C10orf90: variants seen among roughly 807,000 people sequenced by gnomAD.
The protein encoded by C10orf90 is (E2-independent) E3 ubiquitin-conjugating enzyme FATS.
C10orf90 carries 56 observed loss-of-function variants against 62.5 expected under a neutral mutation model. The ratio of observed to expected loss-of-function variants is 0.90; its 90% confidence interval spans 0.72 to 1.12. The LOEUF is 1.12. Among genes scored for constraint, C10orf90 ranks in the 50% most tolerant of loss-of-function variants. The pLI is 0.00. For missense variants in C10orf90, 970 were observed against 880.4 expected, an observed-to-expected ratio of 1.10 and a Z score of -1.29; for synonymous variants, 386 against 340.4, an observed-to-expected ratio of 1.13 and a Z score of -1.47.
At chr10:126,658,872 C>A (rs1221713141) in intron 1 of C10orf90, among the ~76,000 whole-genome samples, 5 of 152,144 alleles carry the variant, frequency 3.3e-5, no homozygotes, top group Non-Finnish European at 7.4e-5. Flanking sequence ...AGATTACAAG[C>A]GTGAGCCATT....
chr10:126,467,458 C>G (rs1860357036), intron 4 of C10orf90, among the ~76,000 whole-genome samples: 1 of 152,194 alleles, frequency 6.6e-6, no homozygotes, highest in Admixed American at 6.5e-5. Context: ...GCTGAGAGTT[C>G]TCAGTTCATG....
intron 1 of C10orf90, among the ~76,000 whole-genome samples, chr10:126,668,251 T>C (rs1179886242): frequency 1.3e-5 from 2 of 152,254 alleles, no homozygotes; most frequent in Non-Finnish European, 2.9e-5. Context: ...CCAGTTTCTT[T>C]AATCTAGCAC....
intron 2 of C10orf90, among the ~76,000 whole-genome samples, chr10:126,624,504 G>A (rs569030562): frequency 6.6e-5 from 10 of 152,306 alleles, no homozygotes; most frequent in African/African-American, 2.4e-4. Context: ...GGGATTTGGG[G>A]AGCTCACAAA....
chr10:126,517,586 G>A (rs537423173), intron 2 of C10orf90, among the ~76,000 whole-genome samples: 38 of 152,224 alleles, frequency 2.5e-4, no homozygotes, highest in African/African-American at 8.2e-4. Context: ...GACCCTCCAC[G>A]TTGAAGCATG....
At chr10:126,593,562 G>C (rs982528764) in intron 2 of C10orf90, among the ~76,000 whole-genome samples, 14 of 152,110 alleles carry the variant, frequency 9.2e-5, no homozygotes, top group Non-Finnish European at 1.9e-4. Context: ...GCATGGGGGA[G>C]GGAGAACATC....
At chr10:126,520,742 G>C (rs1383553644) in intron 2 of C10orf90, 1 of 152,590 alleles carries the variant, frequency 6.6e-6, no homozygotes, top group African/African-American at 2.4e-5. Flanking sequence ...GAAGGCCCTA[G>C]GGGAGGACCC....
At chr10:126,667,464 C>A (rs1846654258) in intron 1 of C10orf90, among the ~76,000 whole-genome samples, 1 of 152,138 alleles carries the variant, frequency 6.6e-6, no homozygotes, top group African/African-American at 2.4e-5. Flanking sequence ...TTTCCAAATA[C>A]AAAATCTTTC....
intron 2 of C10orf90, among the ~76,000 whole-genome samples, chr10:126,591,950 T>G (rs1844988572): frequency 6.6e-6 from 1 of 151,934 alleles, no homozygotes; most frequent in South Asian, 2.1e-4. Context: ...CATTCACAAT[T>G]GCCAAAAGAG....
rs1862581332 is a variant in C10orf90 at position 126,504,315 on chromosome 10, A to G, written c.1176T>C (p.Asn392=). ...CTGCTGTTAATCTGTGGGAACTACAATTGAGGTTGAGCGACAGGACGGATC... is the reference window on the plus strand; with the variant it reads ...CTGCTGTTAATCTGTGGGAACTACAGTTGAGGTTGAGCGACAGGACGGATC... ...MHRSVLSLNL[N]CSSHRLTADG... is the part of the protein sequence containing the mutation. Residue 392 remains asparagine, a synonymous_variant, in exon 4 of 10, where the codon AAT becomes AAC. Coordinates refer to ENST00000488181, the MANE Select transcript of C10orf90 (RefSeq NM_001350921.2). This position sits in a 1 kb window ranked among gnomAD's most constrained non-coding sequence, Gnocchi z 4.1. 4 of 1,614,122 alleles carry G rather than the reference A, an allele frequency of 2.5e-6. No homozygotes were observed. The South Asian group carries it at 4.4e-5, about 18-fold the overall frequency.
At chr10:126,595,643 C>A (rs1200246155) in intron 2 of C10orf90, among the ~76,000 whole-genome samples, 1 of 152,128 alleles carries the variant, frequency 6.6e-6, no homozygotes. Flanking sequence ...AAAACTACAA[C>A]CTTCTCTGGG....
chr10:126,573,411 T>C (rs572002314), intron 2 of C10orf90, among the ~76,000 whole-genome samples: 1 of 152,358 alleles, frequency 6.6e-6, no homozygotes, highest in Admixed American at 6.5e-5. Flanking sequence ...TTCTGCCTTT[T>C]AGTTTTTACT....
chr10:126,481,249 C>A (rs774050718), intron 4 of C10orf90, among the ~76,000 whole-genome samples: 6 of 152,224 alleles, frequency 3.9e-5, no homozygotes, highest in Non-Finnish European at 7.3e-5. Flanking sequence ...CAGTGCTCTA[C>A]ACAAGCTCTT....
chr10:126,533,121 A>C (rs539977164), intron 2 of C10orf90, among the ~76,000 whole-genome samples: 91 of 151,684 alleles, frequency 6.0e-4, no homozygotes, highest in African/African-American at 2.2e-3. Flanking sequence ...TTTTTAGTAG[A>C]GATGGGGTTT....
At chr10:126,638,287 G>A (rs2133839582) in intron 2 of C10orf90, among the ~76,000 whole-genome samples, 2 of 152,190 alleles carry the variant, frequency 1.3e-5, no homozygotes, top group Middle Eastern at 6.8e-3. Context: ...AGCCAGGGAT[G>A]TGTGTGGGAC....
Position 126,477,863 on chromosome 10 carries a change from T to C in C10orf90, c.1535-12877A>G, listed in dbSNP as rs538119510. On this transcript the variant is annotated intron_variant, in intron 4 of 9. Coordinates refer to ENST00000488181, the MANE Select transcript of C10orf90 (RefSeq NM_001350921.2). ...TATCTGTAAAATCCTGTGCTGTAGT[T>C]CTTAAAGCACCCAGGTACATCTGAT... 1.0e-3 allele frequency among the ~76,000 whole-genome samples: 155 copies of C among 152,326 alleles called. 1 individual carries two copies. Among genetic ancestry groups the C allele is most frequent in the African/African-American group, 3.6e-3 (151 of 41,576 alleles).
chr10:126,482,384 A>C (rs1050201149), intron 4 of C10orf90, among the ~76,000 whole-genome samples: 3 of 152,222 alleles, frequency 2.0e-5, no homozygotes, highest in Admixed American at 6.5e-5. Context: ...ATGCAAATGT[A>C]CAGATTCCAT....
chr10:126,565,753 C>A (rs1016719102), intron 2 of C10orf90, among the ~76,000 whole-genome samples: 1 of 152,080 alleles, frequency 6.6e-6, no homozygotes, highest in South Asian at 2.1e-4. Flanking sequence ...TCTCATCAGC[C>A]TTTGATGTGG....
chr10:126,491,929 G>A (rs1861792688), intron 4 of C10orf90, among the ~76,000 whole-genome samples: 1 of 152,224 alleles, frequency 6.6e-6, no homozygotes, highest in South Asian at 2.1e-4. Flanking sequence ...AGACAGGTAT[G>A]CAGGTTACAG....
intron 2 of C10orf90, among the ~76,000 whole-genome samples, chr10:126,594,298 T>C (rs1845040708): frequency 6.6e-6 from 1 of 152,092 alleles, no homozygotes; most frequent in Non-Finnish European, 1.5e-5. Context: ...TGTGTGTGTG[T>C]CCATACATGA....
Sources: allele counts gnomAD v4.1 joint callset (sites outside exome capture counted in the v4.1 genomes callset), GRCh38; gene constraint gnomAD v4.1.1; non-coding constraint Gnocchi (gnomAD v3.1); transcripts MANE v1.5; gene names NCBI Gene and HGNC (gene_info 2026-07-23, HGNC 2026-07-21).